The following AKT1 variants were observed in gnomAD, a reference collection of about 807,000 sequenced individuals.
The protein encoded by AKT1 is AKT serine/threonine kinase 1, also known as RAC-alpha serine/threonine-protein kinase.
AKT1 carries 21 observed loss-of-function variants against 63.1 expected under a neutral mutation model. The ratio of observed to expected loss-of-function variants is 0.33; its 90% CI spans 0.24 to 0.48. The LOEUF is 0.48. Among genes scored for constraint, AKT1 ranks in the 20% least tolerant of loss-of-function variants. The probability of loss-of-function intolerance (pLI) is 0.99; values close to 1 mark genes in which losing one functional copy is unlikely to be tolerated. For missense variants in AKT1, 382 were observed against 666.0 expected (o/e 0.57, Z 4.69); for synonymous variants, 257 against 253.1 (o/e 1.02, Z -0.15).
chr14:104,791,019 C>T (rs895406446), intron 3 of AKT1, among the ~76,000 whole-genome samples: 1 of 152,212 alleles, frequency 6.6e-6, no homozygotes, highest in African/African-American at 2.4e-5. Context: ...GAAGGCACGA[C>T]ATCAGCAGCA....
At chr14:104,772,188 C>A in intron 13 of AKT1, 177 bp downstream of exon 13, 2 of 674,396 alleles carry the variant, frequency 3.0e-6, no homozygotes, top group Non-Finnish European at 2.6e-6. Context: ...AGTGCCAGAG[C>A]CTCTGAGCAC....
intron 3 of AKT1, among the ~76,000 whole-genome samples, chr14:104,784,431 G>A (rs554388361): frequency 5.9e-5 from 9 of 151,992 alleles, no homozygotes; most frequent in Non-Finnish European, 1.0e-4. Context: ...AGGCTCCCTC[G>A]ACTCCTCCTG....
chr14:104,777,821 G>T (rs868677760), intron 4 of AKT1: 21 of 633,794 alleles, frequency 3.3e-5, no homozygotes, highest in Middle Eastern at 7.8e-4. Flanking sequence ...GGGGCCAGGA[G>T]GGGGCTCGGG....
intron 3 of AKT1, among the ~76,000 whole-genome samples, chr14:104,784,487 C>T (rs148686406): frequency 6.6e-6 from 1 of 152,230 alleles, no homozygotes; most frequent in Non-Finnish European, 1.5e-5. Flanking sequence ...CCTCTGGCAT[C>T]CCGATGTCCC....
intron 5 of AKT1, 163 bp downstream of exon 5, chr14:104,776,496 G>T: frequency 1.7e-6 from 1 of 592,874 alleles, no homozygotes; most frequent in Non-Finnish European, 2.9e-6. Context: ...AAACCCCACA[G>T]GCAGGACTGG....
chr14:104,771,154 A>G (rs1004225541), intron 13 of AKT1: 9 of 374,788 alleles, frequency 2.4e-5, no homozygotes, highest in South Asian at 1.2e-4. Context: ...CCAGGAGGTG[A>G]TAACTTTATT....
chr14:104,777,494 C>T, intron 4 of AKT1: 1 of 980,444 alleles, frequency 1.0e-6, no homozygotes, highest in African/African-American at 1.8e-5. Context: ...ATCTGGGGCA[C>T]ACGAACACCT....
chr14:104,772,823 G>A lies in AKT1; in HGVS notation c.1172+55C>T, dbSNP rs533427933. The A allele has an allele frequency of 1.6e-4, 244 of 1,549,332 alleles. No individual in the cohort carries two copies. The South Asian group carries it at 2.3e-3, about 15-fold the overall frequency. On this transcript the variant is annotated intron_variant, in intron 12 of 14. Coordinates refer to ENST00000649815, the MANE Select transcript of AKT1 (RefSeq NM_001382430.1). Reference sequence around the variant, plus strand: ...ACCGCCTGGCGCAGGGGCAGGTGCAGCCTGGGGATGAGGGGATGGAGGTGT... The same window carrying A: ...ACCGCCTGGCGCAGGGGCAGGTGCAACCTGGGGATGAGGGGATGGAGGTGT...
At chr14:104,779,786 C>A (rs1029935117) in intron 4 of AKT1, among the ~76,000 whole-genome samples, 1 of 150,762 alleles carries the variant, frequency 6.6e-6, no homozygotes, top group African/African-American at 2.5e-5. Context: ...AGCTCGGAGA[C>A]CCCTGCCCAG....
intron 11 of AKT1, 52 bp downstream of exon 11, chr14:104,773,199 G>T: frequency 6.2e-7 from 1 of 1,612,896 alleles, no homozygotes; most frequent in East Asian, 2.2e-5. Flanking sequence ...CATTGCGTGT[G>T]CTCAGGACGT....
In AKT1 at chr14:104,795,631, T is replaced by TGCC. The variant is rs1184466766; in HGVS notation, c.-408_-406dup. On this transcript the variant is annotated 5_prime_UTR_variant, in exon 1 of 15. Coordinates refer to ENST00000649815, the MANE Select transcript of AKT1 (RefSeq NM_001382430.1). This position sits in a 1 kb window ranked among gnomAD's most constrained non-coding sequence, Gnocchi z 5.1. ...GCGCTGCTCGGGGCCGGGCCTCGCG[T>TGCC]GCCGCCGCCGCTCGGTGCCCGGTGC... 1 of 144,458 alleles carries TGCC rather than the reference T, an allele frequency of 6.9e-6. No individual in the cohort carries two copies. Among genetic ancestry groups the TGCC allele is most frequent in the Non-Finnish European group, 1.5e-5 (1 of 65,292 alleles). 8.9% of individuals were successfully genotyped at this position (144,458 alleles called of 1,614,324 possible).
Position 104,769,551 on chromosome 14 carries a change from AAGC to A in AKT1, c.*787_*789del. 1 of 533,356 alleles carries A rather than the reference AAGC, an allele frequency of 1.9e-6. No homozygotes were observed. The highest frequency in any genetic ancestry group is 3.6e-6 in the Non-Finnish European group (1 of 275,284). 33.0% of individuals were successfully genotyped at this position (533,356 alleles called of 1,614,324 possible). ...GGCCTGGGGCGACAGCGGAAAGGTT[AAGC>A]GTCGAAAAGGTCAAGTGCTACCGTG... On this transcript the variant is annotated 3_prime_UTR_variant, in exon 15 of 15. Coordinates refer to ENST00000649815, the MANE Select transcript of AKT1 (RefSeq NM_001382430.1).
In AKT1 at chr14:104,773,099, G is replaced by A. The variant is rs369048965; in HGVS notation, c.958-7C>T. The A allele has an allele frequency of 2.5e-3, 4,007 of 1,613,702 alleles. 103 individuals carry two copies. In the South Asian group the frequency reaches 0.041, roughly 16 times the overall value. On this transcript the variant is annotated splice_region_variant and splice_polypyrimidine_tract_variant and intron_variant, in intron 11 of 14. Coordinates refer to ENST00000649815, the MANE Select transcript of AKT1 (RefSeq NM_001382430.1). ...AGTCATTGTCCTCCAGCACCTGCAC[G>A]GGTGGCAGATGGGCAGGACTCGGCA...
chr14:104,773,813 C>G (rs1275015247), intron 9 of AKT1, 99 bp downstream of exon 9: 6 of 1,333,516 alleles, frequency 4.5e-6, no homozygotes, highest in Admixed American at 4.0e-5. Context: ...GGAGCACCGT[C>G]TGGTGCCATG....
At chr14:104,792,988 G>A in intron 2 of AKT1, 139 bp downstream of exon 2, 1 of 460,186 alleles carries the variant, frequency 2.2e-6, no homozygotes. Context: ...TCTAGGCTTA[G>A]AGCCTCCAGC....
chr14:104,774,914 A>G, intron 8 of AKT1, 24 bp downstream of exon 8: 1 of 1,604,172 alleles, frequency 6.2e-7, no homozygotes, highest in East Asian at 2.2e-5. Context: ...CCAGCCCTTC[A>G]GCCCCATCTG....
At chr14:104,780,052 C>G (rs750000813) in intron 4 of AKT1, 36 bp downstream of exon 4, 4 of 1,606,912 alleles carry the variant, frequency 2.5e-6, no homozygotes, top group South Asian at 1.1e-5. Context: ...GCCAACCCCC[C>G]AAATCTGAAT....
rs150967052 is a variant in AKT1, at chr14:104,775,499, G to A, written c.435+153C>T. The A allele has an allele frequency of 2.7e-4, 319 of 1,185,534 alleles. 3 individuals are homozygous for A. The highest frequency in any genetic ancestry group is 2.5e-3 in the South Asian group (162 of 63,614). The allele number at this position is 1,185,534 out of a possible 1,614,324, so 73.4% of individuals were successfully genotyped here. ...GACATGGGGAAGAGGACCCACCTGGGAAGCAGCTGCGCCCTACATGGAAAA... is the reference window on the plus strand; with the variant it reads ...GACATGGGGAAGAGGACCCACCTGGAAAGCAGCTGCGCCCTACATGGAAAA... On this transcript the variant is annotated intron_variant, in intron 6 of 14. Transcript: ENST00000649815.
chr14:104,789,255 G>A (rs988589704), intron 3 of AKT1, among the ~76,000 whole-genome samples: 1 of 152,334 alleles, frequency 6.6e-6, no homozygotes, highest in East Asian at 1.9e-4. Flanking sequence ...CCGGCCACCC[G>A]CCTCGGCCCT....
Sources: allele counts gnomAD v4.1 joint callset (sites outside exome capture counted in the v4.1 genomes callset), GRCh38; gene constraint gnomAD v4.1.1; non-coding constraint Gnocchi (gnomAD v3.1); transcripts MANE v1.5; gene names NCBI Gene and HGNC (gene_info 2026-07-23, HGNC 2026-07-21).